The following MS4A5 variants were observed in gnomAD, a reference collection of about 807,000 sequenced individuals.
The protein encoded by MS4A5 is membrane-spanning 4-domains subfamily A member 5.
Under a neutral mutation model 18.2 loss-of-function variants are expected in MS4A5, and 15 were observed. The observed-to-expected ratio is 0.83, with a 90% CI of 0.55 to 1.27. The LOEUF (loss-of-function observed/expected upper bound fraction) is 1.27. MS4A5 is among the 50% of genes most tolerant of loss of function. The pLI is 0.00. For missense variants in MS4A5, 232 were observed against 225.7 expected (o/e 1.03, Z -0.18); for synonymous variants, 89 against 78.7 (o/e 1.13, Z -0.69).
intron 4 of MS4A5, among the ~76,000 whole-genome samples, chr11:60,441,290 G>A (rs1264316294): frequency 8.1e-6 from 1 of 124,170 alleles, no homozygotes; most frequent in Non-Finnish European, 1.7e-5. Context: ...GGTGGAGGGA[G>A]GGGGGGAGGG....
chr11:60,432,781 AC>A (rs1254893278), intron 3 of MS4A5, among the ~76,000 whole-genome samples: 5 of 147,326 alleles, frequency 3.4e-5, no homozygotes, highest in African/African-American at 8.0e-5. Flanking sequence ...AAAAAAAAAA[AC>A]AAAAAAAAGT....
At chr11:60,432,517 G>C (rs1337543391) in intron 3 of MS4A5, 50 bp downstream of exon 3, 1 of 1,217,454 alleles carries the variant, frequency 8.2e-7, no homozygotes, top group Non-Finnish European at 1.2e-6. Context: ...GCCAGTCATG[G>C]TGGCTCATAC....
At chr11:60,430,468 A>G (rs2086042400) in intron 1 of MS4A5, among the ~76,000 whole-genome samples, 1 of 152,210 alleles carries the variant, frequency 6.6e-6, no homozygotes, top group African/African-American at 2.4e-5. Context: ...ATGAAGACAC[A>G]GGTTTCCCAG....
chr11:60,437,793 A>G (rs1264536903), intron 4 of MS4A5, among the ~76,000 whole-genome samples: 1 of 151,118 alleles, frequency 6.6e-6, no homozygotes, highest in East Asian at 1.9e-4. Flanking sequence ...GTGACCTACA[A>G]AGAGACTTAG....
chr11:60,447,018 G>A (rs1374785823), intron 4 of MS4A5, among the ~76,000 whole-genome samples: 2 of 148,172 alleles, frequency 1.3e-5, no homozygotes, highest in Non-Finnish European at 1.5e-5. Flanking sequence ...TCTCTAAAAA[G>A]ATAATATGCT....
chr11:60,435,447 A>G, intron 4 of MS4A5: 1 of 434,626 alleles, frequency 2.3e-6, no homozygotes, highest in Non-Finnish European at 4.5e-6. Flanking sequence ...CCAAATAGGA[A>G]CAGCTCCGGT....
chr11:60,434,425 A>C (rs2086067752), intron 4 of MS4A5, among the ~76,000 whole-genome samples: 1 of 152,232 alleles, frequency 6.6e-6, no homozygotes, highest in Non-Finnish European at 1.5e-5. Context: ...AACACACACA[A>C]AAATTGCTGA....
chr11:60,429,849 G>A lies in MS4A5; in HGVS notation c.153+22G>A, dbSNP rs752898094. 19 of 1,606,420 alleles carry A rather than the reference G, an allele frequency of 1.2e-5. No homozygotes were observed. The East Asian group carries it at 4.0e-4, about 34-fold the overall frequency. On this transcript the variant is annotated intron_variant, in intron 1 of 4. Coordinates refer to ENST00000300190, the MANE Select transcript of MS4A5 (RefSeq NM_023945.3). ...AGGGGTAAGTAAGACTTGCCCCTATGTATATTTTACTGAGGCAGGGGAAAG... is the reference window on the plus strand; with the variant it reads ...AGGGGTAAGTAAGACTTGCCCCTATATATATTTTACTGAGGCAGGGGAAAG...
chr11:60,429,890 T>C, intron 1 of MS4A5, 63 bp downstream of exon 1: 1 of 1,473,766 alleles, frequency 6.8e-7, no homozygotes, highest in South Asian at 1.2e-5. Context: ...GGAAATTATC[T>C]GTTGGCACAT....
At chr11:60,434,336 T>A (rs1006855205) in intron 4 of MS4A5, among the ~76,000 whole-genome samples, 4 of 152,270 alleles carry the variant, frequency 2.6e-5, no homozygotes, top group Non-Finnish European at 5.9e-5. Flanking sequence ...TTATTTTAGC[T>A]GCCTTCAAAA....
intron 4 of MS4A5, chr11:60,435,527 A>T (rs974472924): frequency 2.6e-6 from 1 of 381,046 alleles, no homozygotes; most frequent in African/African-American, 2.1e-5. Flanking sequence ...TACCCGGTTC[A>T]TCTCACTAGG....
chr11:60,441,439 A>G (rs1229679232), intron 4 of MS4A5, among the ~76,000 whole-genome samples: 1 of 124,082 alleles, frequency 8.1e-6, no homozygotes, highest in Non-Finnish European at 1.7e-5. Flanking sequence ...AAAAAAAAAG[A>G]AAAAGAAAAA....
At chr11:60,443,998 A>G (rs530930913) in intron 4 of MS4A5, among the ~76,000 whole-genome samples, 42 of 152,332 alleles carry the variant, frequency 2.8e-4, no homozygotes, top group Non-Finnish European at 5.7e-4. Context: ...TTTCTCTCAA[A>G]AAAGAAAAAG....
At chr11:60,443,744 A>T (rs2086125758) in intron 4 of MS4A5, among the ~76,000 whole-genome samples, 1 of 152,102 alleles carries the variant, frequency 6.6e-6, no homozygotes. Context: ...ATATTTAAAA[A>T]GAAAAAAGAG....
At position 60,429,649 on chromosome 11, in the gene MS4A5, C is replaced by T; in HGVS notation, c.-26C>T. 6.3e-7 allele frequency: 1 copy of T among 1,597,614 alleles called. No homozygotes were observed. On this transcript the variant is annotated 5_prime_UTR_variant, in exon 1 of 5. Coordinates refer to ENST00000300190, the MANE Select transcript of MS4A5 (RefSeq NM_023945.3). Reference sequence around the variant, plus strand: ...GACTGAAGTACCAACTAAATCATCTCCTTTCAAATTATCACCGACACCATC... The same window carrying T: ...GACTGAAGTACCAACTAAATCATCTTCTTTCAAATTATCACCGACACCATC...
Position 60,446,904 on chromosome 11 carries a change from T to A in MS4A5, c.493-745T>A, listed in dbSNP as rs139675038. On this transcript the variant is annotated intron_variant, in intron 4 of 4. Coordinates refer to ENST00000300190, the MANE Select transcript of MS4A5 (RefSeq NM_023945.3). ...GTTTCTTCACCTTCTTTCTTTCCCCTTCATTAGACCACCTTTTATATATGC... is the reference window on the plus strand; with the variant it reads ...GTTTCTTCACCTTCTTTCTTTCCCCATCATTAGACCACCTTTTATATATGC... 8.8e-3 allele frequency among the ~76,000 whole-genome samples: 1,338 copies of A among 152,292 alleles called. 10 individuals are homozygous for A. The highest frequency in any genetic ancestry group is 0.032 in the South Asian group (156 of 4,824).
At chr11:60,435,793 T>G (rs1009406517) in intron 4 of MS4A5, among the ~76,000 whole-genome samples, 1 of 150,772 alleles carries the variant, frequency 6.6e-6, no homozygotes, top group Non-Finnish European at 1.5e-5. Context: ...GCCCACGGAG[T>G]CTCGCTGATT....
At chr11:60,438,406 C>T (rs200694897) in intron 4 of MS4A5, among the ~76,000 whole-genome samples, 39,912 of 150,740 alleles carry the variant, frequency 0.26, 5,681 homozygotes, top group Admixed American at 0.38. Flanking sequence ...TAGCAGAAGC[C>T]AAGAAATAAC....
chr11:60,438,584 A>G (rs2135175865), intron 4 of MS4A5, among the ~76,000 whole-genome samples: 1 of 152,296 alleles, frequency 6.6e-6, no homozygotes, highest in East Asian at 1.9e-4. Flanking sequence ...AAAAATGATA[A>G]AGGGGATGTC....
Sources: gnomAD v4.1 joint callset for allele counts (sites outside exome capture counted in the v4.1 genomes callset) on GRCh38, gnomAD v4.1.1 for gene constraint, MANE v1.5 for transcripts, NCBI Gene and HGNC (gene_info 2026-07-23, HGNC 2026-07-21) for gene names.